NOMO2: variants seen among roughly 807,000 people sequenced by gnomAD.
The protein encoded by NOMO2 is BOS complex subunit NOMO2.
In NOMO2, 14 loss-of-function variants were observed where a neutral mutation model predicts 67.1. That is an observed-to-expected ratio of 0.21 (90% CI 0.14 to 0.33). The LOEUF (loss-of-function observed/expected upper bound fraction) is 0.33, where lower values mean the gene tolerates loss of function less well. Ranked by LOEUF, NOMO2 falls within the 10% of genes least tolerant of loss-of-function variation. The probability of loss-of-function intolerance (pLI) is 1.00; values close to 1 mark genes in which losing one functional copy is unlikely to be tolerated. For missense variants in NOMO2, 178 were observed against 761.0 expected (o/e 0.23, Z 9.01); for synonymous variants, 80 against 305.9 (o/e 0.26, Z 7.71).
At chr16:18,535,669 C>T (rs527597834) in intron 11 of NOMO2, among the ~76,000 whole-genome samples, 43 of 152,084 alleles carry the variant, frequency 2.8e-4, no homozygotes, top group African/African-American at 8.7e-4. Flanking sequence ...CAGACAACCA[C>T]CACTGCCTCA....
At chr16:18,534,406 G>T (rs1456101414) in intron 11 of NOMO2, among the ~76,000 whole-genome samples, 1 of 145,972 alleles carries the variant, frequency 6.9e-6, no homozygotes, top group Non-Finnish European at 1.5e-5. Flanking sequence ...GCAAACTGTG[G>T]TGTCCAAAAA....
chr16:18,540,540 C>T (rs878864149), intron 9 of NOMO2, among the ~76,000 whole-genome samples: 25 of 151,226 alleles, frequency 1.7e-4, no homozygotes, highest in Middle Eastern at 6.8e-3. Context: ...CTGCAAGCTA[C>T]GAGAAGCAAA....
chr16:18,556,903 T>C (rs1331025901), intron 2 of NOMO2, among the ~76,000 whole-genome samples: 14 of 152,000 alleles, frequency 9.2e-5, no homozygotes, highest in African/African-American at 2.9e-4. Context: ...AGGCAGGTGG[T>C]TCACTTGAGG....
At chr16:18,544,739 T>C (rs1901627101) in intron 6 of NOMO2, among the ~76,000 whole-genome samples, 1 of 151,970 alleles carries the variant, frequency 6.6e-6, no homozygotes, top group South Asian at 2.1e-4. Flanking sequence ...CTCTGTTTAA[T>C]TTGCCTTAAG....
At chr16:18,552,737 T>C (rs1464769993) in intron 3 of NOMO2, among the ~76,000 whole-genome samples, 1 of 152,018 alleles carries the variant, frequency 6.6e-6, no homozygotes. Flanking sequence ...TGTACACTGC[T>C]GGGAGAACAC....
At chr16:18,535,392 T>C (rs1408848981) in intron 11 of NOMO2, among the ~76,000 whole-genome samples, 1 of 150,002 alleles carries the variant, frequency 6.7e-6, no homozygotes, top group African/African-American at 2.4e-5. Flanking sequence ...CGTCGGCCAA[T>C]AAAAAAAAGA....
At chr16:18,545,501 A>G (rs983370857) in intron 6 of NOMO2, among the ~76,000 whole-genome samples, 5 of 151,392 alleles carry the variant, frequency 3.3e-5, no homozygotes, top group East Asian at 1.9e-4. Context: ...ATCATCAATT[A>G]TAAGTGCGTA....
intron 20 of NOMO2, among the ~76,000 whole-genome samples, chr16:18,520,370 TCATCCATCCATC>T (rs1208876919): frequency 1.7e-5 from 2 of 116,048 alleles, no homozygotes; most frequent in East Asian, 4.8e-4. Context: ...AATCATTCAT[TCATCCATCCATC>T]CATCCATCCA....
intron 11 of NOMO2, among the ~76,000 whole-genome samples, chr16:18,536,207 G>A (rs1021558546): frequency 3.9e-5 from 6 of 152,076 alleles, no homozygotes; most frequent in African/African-American, 1.4e-4. Context: ...TCCTCCAGCT[G>A]CGCAGACTGC....
Position 18,528,992 on chromosome 16 carries a change from CATATATATATATATATATATAT to C in NOMO2, c.1806+487_1806+508del, listed in dbSNP as rs60355905. Among the ~76,000 whole-genome samples, 16 of 12,318 alleles carry C rather than the reference CATATATATATATATATATATAT, an allele frequency of 1.3e-3. 1 individual carries two copies. Among genetic ancestry groups the C allele is most frequent in the African/African-American group, 2.7e-3 (10 of 3,684 alleles). The allele number at this position is 12,318 out of a possible 152,430, so 8.1% of individuals were successfully genotyped here. ...CAAAAAAAAAAAAAAAAAAAAAATA[CATATATATATATATATATATAT>C]ATATATATATATATATATATATATA... On this transcript the variant is annotated intron_variant, in intron 15 of 30. Transcript: ENST00000622306.
intron 5 of NOMO2, 44 bp downstream of exon 5, chr16:18,549,477 G>C (rs1347494543): frequency 1.4e-6 from 1 of 727,726 alleles, no homozygotes; most frequent in Non-Finnish European, 2.3e-6. Flanking sequence ...ACCCCTGTCA[G>C]AGCCCGGCTC....
rs756395709 is a variant in NOMO2, at chr16:18,531,600, A to C, written c.1403T>G (p.Val468Gly). The C allele has an allele frequency of 3.1e-6, 5 of 1,612,764 alleles. No homozygotes were observed. The East Asian group carries it at 1.1e-4, about 36-fold the overall frequency. ...CCCTGCTCTGGTTTCTGCCTCAGGAACCATCACCTGCGGAAACGTGGATGG... is the reference window on the plus strand; with the variant it reads ...CCCTGCTCTGGTTTCTGCCTCAGGACCCATCACCTGCGGAAACGTGGATGG... The part of the protein sequence containing the change: ...KPGTYKVQVM[V>G]PEAETRAGLT... Residue 468 changes from valine to glycine, a missense_variant, in exon 13 of 31, where the codon GTT becomes GGT. Val to Gly is a moderately radical substitution (Grantham distance 109). Transcript: ENST00000622306.
In NOMO2 at chr16:18,557,774, C is replaced by A. The variant is rs1284575105; in HGVS notation, c.183G>T (p.Lys61Asn). Reference sequence around the variant, plus strand: ...CTGTCTGGTATTTCAAAGTCCCATGCTTGGTGTACAGCTTTATCTGGAAAG... The same window carrying A: ...CTGTCTGGTATTTCAAAGTCCCATGATTGGTGTACAGCTTTATCTGGAAAG... ...YSLIEIKLYT[K>N]HGTLKYQTDC... The change falls in exon 2 of 31, where the codon AAG becomes AAT. Residue 61 changes from lysine (K) to asparagine (N), a missense_variant. Lys to Asn is a moderately conservative substitution (Grantham distance 94). Coordinates refer to ENST00000622306, the MANE Select transcript of NOMO2 (RefSeq NM_173614.4). 1 of 1,607,418 alleles carries A rather than the reference C, an allele frequency of 6.2e-7. No individual in the cohort carries two copies. The highest frequency in any genetic ancestry group is 1.3e-5 in the African/African-American group (1 of 74,568).
chr16:18,525,949 C>T (rs1467839365), intron 16 of NOMO2, among the ~76,000 whole-genome samples: 3 of 151,644 alleles, frequency 2.0e-5, no homozygotes, highest in Non-Finnish European at 4.4e-5. Flanking sequence ...TGAACCCATG[C>T]TGGCAGCCAC....
intron 11 of NOMO2, among the ~76,000 whole-genome samples, chr16:18,536,931 G>A (rs551448486): frequency 6.6e-6 from 1 of 152,020 alleles, no homozygotes; most frequent in East Asian, 1.9e-4. Context: ...TCAAGCCAGG[G>A]GACTGTGTTC....
At chr16:18,543,266 C>A (rs1445041000) in intron 7 of NOMO2, among the ~76,000 whole-genome samples, 1 of 147,472 alleles carries the variant, frequency 6.8e-6, no homozygotes, top group Admixed American at 6.8e-5. Flanking sequence ...GCAACCTCCA[C>A]CTCCTGGGTT....
At chr16:18,535,404 A>AT (rs199656740) in intron 11 of NOMO2, among the ~76,000 whole-genome samples, 14,259 of 151,152 alleles carry the variant, frequency 0.094, 792 homozygotes, top group East Asian at 0.26. Context: ...AAAAAAAGAG[A>AT]TTTTCCAAAA....
intron 3 of NOMO2, among the ~76,000 whole-genome samples, chr16:18,552,712 A>G (rs1596860544): frequency 6.6e-6 from 1 of 152,098 alleles, no homozygotes; most frequent in East Asian, 1.9e-4. Context: ...TAGGATGTGG[A>G]GCAATGGAAA....
Position 18,538,517 on chromosome 16 carries a change from T to C in NOMO2, c.1220+9A>G, listed in dbSNP as rs763129687. The C allele has an allele frequency of 1.2e-6, 2 of 1,613,492 alleles. No homozygotes were observed. Among genetic ancestry groups the C allele is most frequent in the South Asian group, 2.2e-5 (2 of 91,042 alleles). The stretch of plus-strand genomic sequence containing the variant: ...TACTGGTGCTTCCAAATCCACACGA[T>C]AAGCTTACCCTGTTGCAACAATGTC... On this transcript the variant is annotated intron_variant, in intron 11 of 30. Coordinates refer to ENST00000622306, the MANE Select transcript of NOMO2 (RefSeq NM_173614.4).
Sources: allele counts gnomAD v4.1 joint callset (sites outside exome capture counted in the v4.1 genomes callset), GRCh38; gene constraint gnomAD v4.1.1; transcripts MANE v1.5; gene names NCBI Gene and HGNC (gene_info 2026-07-23, HGNC 2026-07-21).